ARHGEF28: variants seen among roughly 807,000 people sequenced by gnomAD.
ARHGEF28 encodes the protein Rho guanine nucleotide exchange factor 28.
ARHGEF28 carries 152 observed loss-of-function variants against 206.6 expected under a neutral mutation model. The observed-to-expected ratio is 0.74, with a 90% confidence interval of 0.64 to 0.84. The LOEUF (loss-of-function observed/expected upper bound fraction) is 0.84. Ranked by LOEUF, ARHGEF28 falls within the 40% of genes least tolerant of loss-of-function variation. The probability of loss-of-function intolerance (pLI) is 0.00; values close to 1 mark genes in which losing one functional copy is unlikely to be tolerated. For missense variants in ARHGEF28, 2,028 were observed against 2,073.2 expected, an observed-to-expected ratio of 0.98 and a Z score of 0.42; for synonymous variants, 763 against 776.4, an observed-to-expected ratio of 0.98 and a Z score of 0.29.
At chr5:73,693,090 A>C (rs1747944391) in intron 2 of ARHGEF28, among the ~76,000 whole-genome samples, 1 of 151,996 alleles carries the variant, frequency 6.6e-6, no homozygotes, top group African/African-American at 2.4e-5. Context: ...CTGGTTTGAC[A>C]CTCTGGATTT....
In ARHGEF28 at chr5:73,797,782, A is replaced by G. The variant is rs187687356; in HGVS notation, c.1024+2391A>G. On this transcript the variant is annotated intron_variant, in intron 9 of 35. Transcript: ENST00000513042. ...ACATGATAAATGCTGATAAATAGAT[A>G]TGTAAGTCTTTGCTGACTTGTATTA... Among the ~76,000 whole-genome samples the G allele has an allele frequency of 2.6e-3, 392 of 152,326 alleles. 1 individual carries two copies. The highest frequency in any genetic ancestry group is 8.7e-3 in the African/African-American group (361 of 41,568).
intron 2 of ARHGEF28, among the ~76,000 whole-genome samples, chr5:73,703,881 C>G (rs955145258): frequency 3.3e-5 from 5 of 151,800 alleles, no homozygotes; most frequent in Non-Finnish European, 7.4e-5. Context: ...ACTAAAAATA[C>G]AAAAATGTGA....
intron 2 of ARHGEF28, among the ~76,000 whole-genome samples, chr5:73,705,861 A>C (rs1435776683): frequency 1.3e-5 from 2 of 152,194 alleles, no homozygotes; most frequent in Non-Finnish European, 2.9e-5. Flanking sequence ...CCTGGCAGTG[A>C]ATGAAGTGAC....
intron 12 of ARHGEF28, among the ~76,000 whole-genome samples, chr5:73,848,663 CATT>C (rs1240263131): frequency 6.6e-6 from 1 of 152,000 alleles, no homozygotes; most frequent in African/African-American, 2.4e-5. Flanking sequence ...ATAATAAACT[CATT>C]GTTGAATATA....
intron 1 of ARHGEF28, among the ~76,000 whole-genome samples, chr5:73,676,621 G>C (rs1231127208): frequency 1.3e-5 from 2 of 152,168 alleles, no homozygotes; most frequent in Non-Finnish European, 2.9e-5. Flanking sequence ...CTCAAGGAGG[G>C]GGAAGGTGCT....
At chr5:73,926,821 T>C (rs1385785390) in intron 35 of ARHGEF28, among the ~76,000 whole-genome samples, 1 of 152,234 alleles carries the variant, frequency 6.6e-6, no homozygotes, top group Non-Finnish European at 1.5e-5. Context: ...TCTACTTGTC[T>C]GTGTATTTCT....
At position 73,887,622 on chromosome 5, in the gene ARHGEF28, A is replaced by G; in HGVS notation, c.3330A>G (p.Leu1110=). Residue 1110 remains leucine (L), a synonymous_variant, in exon 26 of 36, where the codon CTA becomes CTG. Coordinates refer to ENST00000513042, the MANE Select transcript of ARHGEF28 (RefSeq NM_001177693.2). ...TTAAAGATATCCTAGCTCTACTTCT[A>G]ACTGATGTGCTGCTCTTTTTACAAG... ...GRFKDILALL[L]TDVLLFLQEK... is the part of the protein sequence containing the mutation. 1 of 1,570,360 alleles carries G rather than the reference A, an allele frequency of 6.4e-7. No homozygotes were observed.
rs1172777059 is a variant in ARHGEF28, at chr5:73,687,518, T to C, written c.33+2634T>C. Among the ~76,000 whole-genome samples, 5 of 152,144 alleles carry C rather than the reference T, an allele frequency of 3.3e-5. No homozygotes were observed. In the East Asian group the frequency reaches 7.7e-4, roughly 23 times the overall value. Reference sequence around the variant, plus strand: ...ATCCAGCAAGAGGTCATTAGAGATATGTCATAATGAAAATGAGTCTTAAAC... The same window carrying C: ...ATCCAGCAAGAGGTCATTAGAGATACGTCATAATGAAAATGAGTCTTAAAC... On this transcript the variant is annotated intron_variant, in intron 2 of 35. Transcript: ENST00000513042.
chr5:73,767,581 T>G (rs1432003360), intron 4 of ARHGEF28, among the ~76,000 whole-genome samples: 4 of 152,126 alleles, frequency 2.6e-5, no homozygotes, highest in Non-Finnish European at 5.9e-5. Context: ...AGCCATGATT[T>G]AGGGCATCTG....
intron 2 of ARHGEF28, among the ~76,000 whole-genome samples, chr5:73,721,275 C>T (rs1749924004): frequency 6.6e-6 from 1 of 152,222 alleles, no homozygotes; most frequent in South Asian, 2.1e-4. Flanking sequence ...TGAATTTCTA[C>T]TTCAGGGCTT....
At chr5:73,726,390 C>T (rs1750276656) in intron 2 of ARHGEF28, among the ~76,000 whole-genome samples, 1 of 152,028 alleles carries the variant, frequency 6.6e-6, no homozygotes, top group Admixed American at 6.6e-5. Context: ...GTAGCAGTTA[C>T]AAAAAAATAA....
chr5:73,684,839 A>T lies in ARHGEF28; in HGVS notation c.-11-2A>T, dbSNP rs1379507942. On this transcript the variant is annotated splice_acceptor_variant, in intron 1 of 35. Transcript: ENST00000513042. LOFTEE classifies it low-confidence loss of function (5UTR_SPLICE). ...TTCTCTTGTTTATTATTTTCATTGC[A>T]GATGCGAAAGCCATGGAGTTGAGCT... 20 of 1,607,958 alleles carry T rather than the reference A, an allele frequency of 1.2e-5. No individual in the cohort carries two copies. Among genetic ancestry groups the T allele is most frequent in the East Asian group, 2.2e-5 (1 of 44,696 alleles).
At chr5:73,635,580 A>C (rs1484103184) in intron 1 of ARHGEF28, among the ~76,000 whole-genome samples, 3 of 152,148 alleles carry the variant, frequency 2.0e-5, no homozygotes, top group Admixed American at 1.3e-4. Context: ...TGGAGATGGA[A>C]TTTGGATATG....
At chr5:73,902,125 T>G (rs1762305869) in intron 31 of ARHGEF28, 1 of 152,198 alleles carries the variant, frequency 6.6e-6, no homozygotes, top group Non-Finnish European at 1.5e-5. Context: ...TTATATACTT[T>G]TTGTGTATAT....
At chr5:73,756,085 G>T (rs1218673591) in intron 4 of ARHGEF28, among the ~76,000 whole-genome samples, 1 of 152,152 alleles carries the variant, frequency 6.6e-6, no homozygotes, top group Non-Finnish European at 1.5e-5. Flanking sequence ...CTTGGGCAAG[G>T]TATTTTAGTT....
At chr5:73,891,571 G>A (rs982842599) in intron 26 of ARHGEF28, among the ~76,000 whole-genome samples, 2 of 150,192 alleles carry the variant, frequency 1.3e-5, no homozygotes, top group African/African-American at 2.5e-5. Context: ...ATGGAGTCTT[G>A]CTCTGTTGCC....
intron 1 of ARHGEF28, among the ~76,000 whole-genome samples, chr5:73,679,422 C>T (rs1456402052): frequency 1.3e-5 from 2 of 152,082 alleles, no homozygotes; most frequent in Non-Finnish European, 2.9e-5. Flanking sequence ...CAAAAATTAG[C>T]TGGGTGTGGT....
chr5:73,655,198 C>T (rs182576940), intron 1 of ARHGEF28, among the ~76,000 whole-genome samples: 117 of 152,284 alleles, frequency 7.7e-4, no homozygotes, highest in Middle Eastern at 6.8e-3. Flanking sequence ...GAACAAAAGT[C>T]CATATTTTCT....
chr5:73,745,483 A>G (rs1751673560), intron 2 of ARHGEF28, among the ~76,000 whole-genome samples: 1 of 152,100 alleles, frequency 6.6e-6, no homozygotes. Flanking sequence ...ACAGCATTTC[A>G]GCAGAAGGAT....
Sources: allele counts gnomAD v4.1 joint callset (sites outside exome capture counted in the v4.1 genomes callset), GRCh38; gene constraint gnomAD v4.1.1; transcripts MANE v1.5; gene names NCBI Gene and HGNC (gene_info 2026-07-23, HGNC 2026-07-21).